STIM2: variants seen among roughly 807,000 people sequenced by gnomAD.
The protein encoded by STIM2 is stromal interaction molecule 2.
STIM2 carries 31 observed loss-of-function variants against 85.8 expected under a neutral mutation model. The ratio of observed to expected loss-of-function variants is 0.36; its 90% CI spans 0.27 to 0.49. STIM2 has a LOEUF of 0.49. Among genes scored for constraint, STIM2 ranks in the 20% least tolerant of loss-of-function variants. The pLI, the probability that STIM2 is intolerant of heterozygous loss-of-function variation, is 0.98. For synonymous variants in STIM2, 356 were observed against 331.1 expected, an observed-to-expected ratio of 1.08 and a Z score of -0.82; for missense variants, 841 against 927.6, an observed-to-expected ratio of 0.91 and a Z score of 1.21.
chr4:26,861,575 T>G, intron 1 of STIM2: 2 of 682,288 alleles, frequency 2.9e-6, no homozygotes, highest in Non-Finnish European at 4.0e-6. Flanking sequence ...TCGCCGAGCC[T>G]CTCGACGGCA....
chr4:26,882,257 G>C (rs777841317), intron 1 of STIM2, among the ~76,000 whole-genome samples: 2 of 152,084 alleles, frequency 1.3e-5, no homozygotes, highest in African/African-American at 4.8e-5. Flanking sequence ...ATCATGAAAA[G>C]GGTTGAGCTT....
intron 3 of STIM2, among the ~76,000 whole-genome samples, chr4:26,972,226 C>A (rs1182547085): frequency 6.6e-6 from 1 of 152,136 alleles, no homozygotes; most frequent in Non-Finnish European, 1.5e-5. Flanking sequence ...ATTGAATACC[C>A]TTTATTTCTT....
At chr4:26,999,074 A>T (rs533775770) in intron 4 of STIM2, among the ~76,000 whole-genome samples, 158 bp from the exon 5 acceptor site, 2 of 152,164 alleles carry the variant, frequency 1.3e-5, no homozygotes, top group Non-Finnish European at 2.9e-5. Context: ...TTTTTGAAAC[A>T]TGTAACAAAT....
chr4:26,921,265 C>T (rs1724786839), intron 2 of STIM2, among the ~76,000 whole-genome samples: 1 of 152,182 alleles, frequency 6.6e-6, no homozygotes, highest in African/African-American at 2.4e-5. Flanking sequence ...CCCCTAGAGC[C>T]TTTGAGAGAG....
At chr4:26,886,050 T>C (rs1723236059) in intron 1 of STIM2, among the ~76,000 whole-genome samples, 1 of 151,660 alleles carries the variant, frequency 6.6e-6, no homozygotes, top group Admixed American at 6.6e-5. Flanking sequence ...AACAAGGAAG[T>C]TGTGGCTATG....
chr4:26,888,953 T>C (rs1723360600), intron 1 of STIM2, among the ~76,000 whole-genome samples: 1 of 152,220 alleles, frequency 6.6e-6, no homozygotes, highest in Non-Finnish European at 1.5e-5. Context: ...TTCTGAGGCA[T>C]GAGGAGTTCA....
chr4:26,901,407 G>A (rs1052776450), intron 1 of STIM2, among the ~76,000 whole-genome samples: 3 of 152,116 alleles, frequency 2.0e-5, no homozygotes, highest in African/African-American at 7.2e-5. Context: ...TTGACTTAAA[G>A]CTGAAGGGAA....
intron 1 of STIM2, among the ~76,000 whole-genome samples, chr4:26,918,341 T>C (rs529362842): frequency 5.3e-5 from 8 of 152,082 alleles, no homozygotes; most frequent in Admixed American, 5.2e-4. Flanking sequence ...TAGGCCCTTA[T>C]AGCTGCAATA....
At chr4:26,927,680 T>TAAAAAAAAAA (rs71186498) in intron 2 of STIM2, among the ~76,000 whole-genome samples, 2 of 23,464 alleles carry the variant, frequency 8.5e-5, no homozygotes, top group African/African-American at 1.2e-4. Context: ...TAGAGTATAA[T>TAAAAAAAAAA]AAAAAAAAAA....
chr4:26,872,885 G>T (rs1722677261), intron 1 of STIM2, among the ~76,000 whole-genome samples: 1 of 152,222 alleles, frequency 6.6e-6, no homozygotes, highest in Non-Finnish European at 1.5e-5. Context: ...CATCTTGAAG[G>T]ACAATAAAGA....
At chr4:26,925,748 G>A (rs1724937993) in intron 2 of STIM2, among the ~76,000 whole-genome samples, 1 of 73,652 alleles carries the variant, frequency 1.4e-5, no homozygotes, top group African/African-American at 1.2e-4. Flanking sequence ...GTCCCTGTTT[G>A]CAGACGACAT....
intron 1 of STIM2, among the ~76,000 whole-genome samples, chr4:26,888,039 C>T (rs1266095153): frequency 1.3e-5 from 2 of 152,178 alleles, no homozygotes; most frequent in Admixed American, 6.5e-5. Context: ...CAGGCCCACC[C>T]ACATTTCCAA....
chr4:26,873,944 T>C, intron 1 of STIM2: 1 of 1,333,532 alleles, frequency 7.5e-7, no homozygotes, highest in East Asian at 2.4e-5. Flanking sequence ...GGTGCTCTTC[T>C]GGCTCAGGCT....
At chr4:26,993,975 A>G (rs1432513896) in intron 3 of STIM2, among the ~76,000 whole-genome samples, 2 of 152,148 alleles carry the variant, frequency 1.3e-5, no homozygotes, top group South Asian at 4.1e-4. Context: ...GAAAATGCAT[A>G]CAAAGGACTT....
chr4:26,889,405 TC>T (rs35445410), intron 1 of STIM2, among the ~76,000 whole-genome samples: 1 of 152,300 alleles, frequency 6.6e-6, no homozygotes, highest in East Asian at 1.9e-4. Flanking sequence ...TAAAGTGTGT[TC>T]CTTGATCAGA....
intron 2 of STIM2, among the ~76,000 whole-genome samples, chr4:26,928,431 T>C (rs2109072238): frequency 6.6e-6 from 1 of 152,354 alleles, no homozygotes; most frequent in South Asian, 2.1e-4. Context: ...TCAAGGAAGC[T>C]TTTGCAGATA....
intron 3 of STIM2, among the ~76,000 whole-genome samples, chr4:26,990,779 G>T (rs1267368302): frequency 6.6e-6 from 1 of 152,004 alleles, no homozygotes; most frequent in African/African-American, 2.4e-5. Context: ...ATGGGCAAAA[G>T]ACCTGAGTAG....
chr4:26,897,295 C>G (rs1170027053), intron 1 of STIM2, among the ~76,000 whole-genome samples: 1 of 152,180 alleles, frequency 6.6e-6, no homozygotes, highest in African/African-American at 2.4e-5. Context: ...GCATTTGGTA[C>G]TTTCTGTATG....
At chr4:26,981,301 G>C (rs1311839613) in intron 3 of STIM2, among the ~76,000 whole-genome samples, 2 of 152,152 alleles carry the variant, frequency 1.3e-5, no homozygotes, top group African/African-American at 4.8e-5. Context: ...AACAGTATTT[G>C]ATAGCTAATA....
Sources: gnomAD v4.1 joint callset for allele counts (sites outside exome capture counted in the v4.1 genomes callset) on GRCh38, gnomAD v4.1.1 for gene constraint, MANE v1.5 for transcripts, NCBI Gene and HGNC (gene_info 2026-07-23, HGNC 2026-07-21) for gene names.